The following SETBP1 variants were observed in gnomAD, a reference collection of about 807,000 sequenced individuals.
SETBP1 encodes the protein SET-binding protein.
SETBP1 carries 9 observed loss-of-function variants against 101.0 expected under a neutral mutation model. The ratio of observed to expected loss-of-function variants is 0.09; its 90% confidence interval spans 0.05 to 0.16. The LOEUF is 0.16. Among genes scored for constraint, SETBP1 ranks in the 10% least tolerant of loss-of-function variants. SETBP1 has a pLI of 1.00. For synonymous variants in SETBP1, 818 were observed against 788.5 expected, an observed-to-expected ratio of 1.04 and a Z score of -0.63; for missense variants, 1,858 against 2,033.8, an observed-to-expected ratio of 0.91 and a Z score of 1.66.
At chr18:45,011,409 C>G (rs1356508872) in intron 4 of SETBP1, among the ~76,000 whole-genome samples, 1 of 152,150 alleles carries the variant, frequency 6.6e-6, no homozygotes, top group African/African-American at 2.4e-5. Flanking sequence ...CCTGTGCCAT[C>G]TTATAGCAAG....
At chr18:45,043,273 A>G (rs900534315) in intron 5 of SETBP1, among the ~76,000 whole-genome samples, 3 of 152,206 alleles carry the variant, frequency 2.0e-5, no homozygotes, top group African/African-American at 7.2e-5. Context: ...TCAGAAAAAC[A>G]TCAAGGCAAC....
At chr18:44,861,229 C>CTTTTTTTTTTTTT (rs775284488) in intron 2 of SETBP1, among the ~76,000 whole-genome samples, 13 of 88,342 alleles carry the variant, frequency 1.5e-4, no homozygotes, top group East Asian at 3.5e-4. Context: ...TTTTTCTTTT[C>CTTTTTTTTTTTTT]TTTTTTTTTT....
At chr18:44,705,962 A>G (rs1048765859) in intron 2 of SETBP1, among the ~76,000 whole-genome samples, 4 of 152,286 alleles carry the variant, frequency 2.6e-5, no homozygotes, top group Admixed American at 6.5e-5. Context: ...TCTCTTTCAT[A>G]TAAAACTAGG....
Position 44,701,646 on chromosome 18 carries a change from G to A in SETBP1, c.300G>A (p.Glu100=), listed in dbSNP as rs981487767. 2.5e-6 allele frequency: 4 copies of A among 1,614,172 alleles called. No individual in the cohort carries two copies. The highest frequency in any genetic ancestry group is 1.1e-5 in the South Asian group (1 of 91,084). Residue 100 remains glutamate, a synonymous_variant, in exon 2 of 6, where the codon GAG becomes GAA. Coordinates refer to ENST00000649279, the MANE Select transcript of SETBP1 (RefSeq NM_015559.3). ...CTATCAAGGAGGCAAACTTCACAGA[G>A]GGAAGTCTGAAGCTAAAGATTCAGA... is the stretch of plus-strand genomic sequence containing the variant. The part of the protein sequence containing the change: ...EFSIKEANFT[E]GSLKLKIQTT...
intron 3 of SETBP1, among the ~76,000 whole-genome samples, chr18:44,924,825 C>G (rs2070662682): frequency 6.6e-6 from 1 of 152,042 alleles, no homozygotes; most frequent in Admixed American, 6.6e-5. Context: ...AGCTAGATAC[C>G]CCATTAGCAA....
Position 45,068,414 on chromosome 18 carries a change from T to TAGCAC in SETBP1, c.*4719_*4723dup, listed in dbSNP as rs1358624083. The TAGCAC allele has an allele frequency of 6.6e-6, 1 of 152,062 alleles. No homozygotes were observed. The highest frequency in any genetic ancestry group is 1.5e-5 in the Non-Finnish European group (1 of 68,024). The allele number at this position is 152,062 out of a possible 1,614,324, so 9.4% of individuals were successfully genotyped here. On this transcript the variant is annotated 3_prime_UTR_variant, in exon 6 of 6. Coordinates refer to ENST00000649279, the MANE Select transcript of SETBP1 (RefSeq NM_015559.3). ...AGTCTTTTCCGCTACCAGATCAGGTTAGCACAGTATAGAGCACTTAACTAT... is the reference window on the plus strand; with the variant it reads ...AGTCTTTTCCGCTACCAGATCAGGTTAGCACAGCACAGTATAGAGCACTTAACTAT...
At chr18:45,017,234 G>A (rs542533295) in intron 4 of SETBP1, among the ~76,000 whole-genome samples, 4 of 152,244 alleles carry the variant, frequency 2.6e-5, no homozygotes, top group Admixed American at 1.3e-4. Flanking sequence ...GTCTGGGCAC[G>A]ACACACTTTC....
At chr18:44,796,922 C>G (rs1301864366) in intron 2 of SETBP1, among the ~76,000 whole-genome samples, 1 of 152,178 alleles carries the variant, frequency 6.6e-6, no homozygotes, top group Non-Finnish European at 1.5e-5. Context: ...TTGTCTCTCT[C>G]TCTTCTCCCT....
At chr18:45,007,282 G>A (rs575776055) in intron 4 of SETBP1, among the ~76,000 whole-genome samples, 1 of 152,136 alleles carries the variant, frequency 6.6e-6, no homozygotes, top group East Asian at 1.9e-4. Flanking sequence ...TTTCTCCTGT[G>A]CAGTCACATC....
intron 2 of SETBP1, among the ~76,000 whole-genome samples, chr18:44,827,768 AT>A (rs1352368086): frequency 1.3e-5 from 2 of 152,214 alleles, no homozygotes; most frequent in Admixed American, 1.3e-4. Flanking sequence ...GTCTCTGAAA[AT>A]GGCACAGGTT....
intron 2 of SETBP1, among the ~76,000 whole-genome samples, chr18:44,724,926 T>A (rs552381382): frequency 3.9e-5 from 6 of 152,200 alleles, no homozygotes; most frequent in African/African-American, 1.4e-4. Flanking sequence ...AAGAATATTA[T>A]TAAATTACTG....
chr18:44,974,408 G>C (rs2071940044), intron 4 of SETBP1, among the ~76,000 whole-genome samples: 1 of 152,214 alleles, frequency 6.6e-6, no homozygotes, highest in Admixed American at 6.5e-5. Context: ...GGAGATGAGA[G>C]TAGCTGAGGA....
intron 4 of SETBP1, among the ~76,000 whole-genome samples, chr18:45,037,760 G>A (rs1036019746): frequency 6.6e-6 from 1 of 152,088 alleles, no homozygotes; most frequent in African/African-American, 2.4e-5. Flanking sequence ...TATGATGCGT[G>A]TTATGACCAG....
At chr18:44,742,019 C>T (rs2070110134) in intron 2 of SETBP1, among the ~76,000 whole-genome samples, 1 of 152,178 alleles carries the variant, frequency 6.6e-6, no homozygotes. Flanking sequence ...TGTAGACTCC[C>T]CTGTCTGGGC....
At chr18:44,837,643 G>A (rs567745498) in intron 2 of SETBP1, among the ~76,000 whole-genome samples, 5 of 152,310 alleles carry the variant, frequency 3.3e-5, no homozygotes, top group East Asian at 1.9e-4. Context: ...CCTAAGAGGC[G>A]ATGCGGTCCA....
intron 4 of SETBP1, among the ~76,000 whole-genome samples, chr18:44,985,560 C>T (rs769402839): frequency 3.3e-5 from 5 of 152,180 alleles, no homozygotes; most frequent in South Asian, 2.1e-4. Context: ...ATGAATCTCA[C>T]GCAAGGGCAC....
At chr18:44,997,055 A>T (rs891783738) in intron 4 of SETBP1, among the ~76,000 whole-genome samples, 1 of 152,186 alleles carries the variant, frequency 6.6e-6, no homozygotes, top group Non-Finnish European at 1.5e-5. Flanking sequence ...GTAATCAGGG[A>T]TGAGGAGAAC....
Position 44,950,477 on chromosome 18 carries a change from G to A in SETBP1, c.1137G>A (p.Glu379=), listed in dbSNP as rs752828285. 34 of 1,614,002 alleles carry A rather than the reference G, an allele frequency of 2.1e-5. No individual in the cohort carries two copies. Among genetic ancestry groups the A allele is most frequent in the Non-Finnish European group, 2.5e-5 (30 of 1,180,034 alleles). Residue 379 remains glutamate, a synonymous_variant, in exon 4 of 6, where the codon GAG becomes GAA. Coordinates refer to ENST00000649279, the MANE Select transcript of SETBP1 (RefSeq NM_015559.3). ...REGYSADSAQ[E]ASPARQNVSS... ...GTTATTCCGCAGATAGTGCCCAAGA[G>A]GCATCACCAGCCAGGCAGAACGTGA... is the stretch of plus-strand genomic sequence containing the variant.
chr18:44,778,246 G>C (rs1188209798), intron 2 of SETBP1, among the ~76,000 whole-genome samples: 1 of 152,192 alleles, frequency 6.6e-6, no homozygotes. Flanking sequence ...CTGGAGTAGA[G>C]AACAGTCCCT....
Sources: gnomAD v4.1 joint callset for allele counts (sites outside exome capture counted in the v4.1 genomes callset) on GRCh38, gnomAD v4.1.1 for gene constraint, MANE v1.5 for transcripts, NCBI Gene and HGNC (gene_info 2026-07-23, HGNC 2026-07-21) for gene names.